Variants in FOSL2 observed in about 807,000 individuals in gnomAD.
FOSL2 encodes FOS like 2, AP-1 transcription factor subunit.
A neutral mutation model predicts 27.7 loss-of-function variants in FOSL2; 3 were observed. That is an observed-to-expected ratio of 0.11 (90% confidence interval 0.05 to 0.28). FOSL2 has a LOEUF of 0.28. Among genes scored for constraint, FOSL2 ranks in the 10% least tolerant of loss-of-function variants. FOSL2 has a pLI of 1.00. For missense variants in FOSL2, 333 were observed against 445.1 expected, an observed-to-expected ratio of 0.75 and a Z score of 2.27; for synonymous variants, 179 against 190.1, an observed-to-expected ratio of 0.94 and a Z score of 0.48.
intron 2 of FOSL2, among the ~76,000 whole-genome samples, chr2:28,407,192 G>A (rs937586903): frequency 6.6e-6 from 1 of 152,222 alleles, no homozygotes; most frequent in African/African-American, 2.4e-5. Context: ...GATCTAGGGG[G>A]CTTCCTGGGC....
intron 1 of FOSL2, chr2:28,397,241 C>CT (rs1375737062): frequency 6.6e-6 from 1 of 151,990 alleles, no homozygotes; most frequent in Non-Finnish European, 1.5e-5. Flanking sequence ...AAAAGGAGTG[C>CT]TTTTTTCTTT....
rs1214340748 is a variant in FOSL2 at position 28,413,178 on chromosome 2, A to G, written c.*730A>G. 2 of 247,810 alleles carry G rather than the reference A, an allele frequency of 8.1e-6. No homozygotes were observed. The highest frequency in any genetic ancestry group is 2.2e-5 in the African/African-American group (1 of 45,048). The allele number at this position is 247,810 out of a possible 1,614,324, so 15.4% of individuals were successfully genotyped here. A position where few individuals can be genotyped will look rare whatever the true frequency, so the allele number is the denominator to read the frequency against. On this transcript the variant is annotated 3_prime_UTR_variant, in exon 4 of 4. Transcript: ENST00000264716. ...ACCTTCGGAGACGGCTTCTGGAGGAACGGCTTGGCCAGAAGACAGGGTGTG... is the reference window on the plus strand; with the variant it reads ...ACCTTCGGAGACGGCTTCTGGAGGAGCGGCTTGGCCAGAAGACAGGGTGTG...
In FOSL2 at chr2:28,393,150, C is replaced by T. The variant is rs751553910; in HGVS notation, c.-571C>T. The T allele has an allele frequency of 5.4e-5, 17 of 313,914 alleles. No homozygotes were observed. Among genetic ancestry groups the T allele is most frequent in the Non-Finnish European group, 9.3e-5 (16 of 172,958 alleles). 19.4% of individuals were successfully genotyped at this position (313,914 alleles called of 1,614,324 possible). ...CGGGACGGGCGCACGCCGCCTTCTC[C>T]TAGTCAAGTATCCGAGCCGCCCCGA... is the stretch of plus-strand genomic sequence containing the variant. On this transcript the variant is annotated 5_prime_UTR_variant, in exon 1 of 4. Coordinates refer to ENST00000264716, the MANE Select transcript of FOSL2 (RefSeq NM_005253.4). This position sits in a 1 kb window ranked among gnomAD's most constrained non-coding sequence, Gnocchi z 4.6.
In FOSL2 at chr2:28,413,412, A is replaced by G. The variant is rs1032782637; in HGVS notation, c.*964A>G. 31 of 398,228 alleles carry G rather than the reference A, an allele frequency of 7.8e-5. No individual in the cohort carries two copies. The highest frequency in any genetic ancestry group is 1.2e-4 in the Non-Finnish European group (27 of 226,208). The allele number at this position is 398,228 out of a possible 1,614,324, so 24.7% of individuals were successfully genotyped here. The stretch of plus-strand genomic sequence containing the variant: ...CGTCCCTCCCTAGGAGCCACACATT[A>G]TACTCCAAGTCCCTGCCGGGCTCCG... On this transcript the variant is annotated 3_prime_UTR_variant, in exon 4 of 4. Coordinates refer to ENST00000264716, the MANE Select transcript of FOSL2 (RefSeq NM_005253.4).
rs967238013 is a variant in FOSL2 at position 28,414,260 on chromosome 2, C to G, written c.*1812C>G. The G allele has an allele frequency of 6.2e-6, 1 of 160,282 alleles. No individual in the cohort carries two copies. The highest frequency in any genetic ancestry group is 1.4e-5 in the Non-Finnish European group (1 of 73,732). 9.9% of individuals were successfully genotyped at this position (160,282 alleles called of 1,614,324 possible). On this transcript the variant is annotated 3_prime_UTR_variant, in exon 4 of 4. Coordinates refer to ENST00000264716, the MANE Select transcript of FOSL2 (RefSeq NM_005253.4). ...CATGAACATGACCTGTTTTCGTGCA[C>G]TAGACACACAGAGTGGAACAGCCGT...
At chr2:28,394,146 C>G (rs905609067) in intron 1 of FOSL2, among the ~76,000 whole-genome samples, 2 of 130,536 alleles carry the variant, frequency 1.5e-5, no homozygotes, top group Non-Finnish European at 1.6e-5. Context: ...TGCCCCCCCC[C>G]CCCCACCCCT....
chr2:28,397,135 TG>T (rs1456934102), intron 1 of FOSL2: 8 of 152,212 alleles, frequency 5.3e-5, no homozygotes, highest in Non-Finnish European at 1.0e-4. Flanking sequence ...GTTTCTTTTT[TG>T]TTTTCTTCTA....
chr2:28,408,735 A>G lies in FOSL2; in HGVS notation c.355-24A>G. The stretch of plus-strand genomic sequence containing the variant: ...GTGAACCATTGTCTCTGTTCTAACC[A>G]TGATCCTTGGCTTTGGCCTCTAGCT... On this transcript the variant is annotated intron_variant, in intron 2 of 3. Transcript: ENST00000264716. The surrounding 1 kb of genome is among the most constrained non-coding windows in gnomAD (Gnocchi z 4.1). 4 of 1,552,154 alleles carry G rather than the reference A, an allele frequency of 2.6e-6. No homozygotes were observed. The highest frequency in any genetic ancestry group is 3.5e-6 in the Non-Finnish European group (4 of 1,133,458).
chr2:28,400,167 G>C (rs1031458756), intron 1 of FOSL2, among the ~76,000 whole-genome samples: 4 of 152,148 alleles, frequency 2.6e-5, no homozygotes, highest in Non-Finnish European at 5.9e-5. Context: ...GTGAGGTTTT[G>C]GGTTACCTCT....
In FOSL2 at chr2:28,416,248, ACAT is replaced by A. The variant is rs1396425920; in HGVS notation, c.*3803_*3805del. On this transcript the variant is annotated 3_prime_UTR_variant, in exon 4 of 4. Transcript: ENST00000264716. ...CTTATGCTTCTAGTGTTTTGGCCAT[ACAT>A]CAACCAAGGGGTTTAATTTATCCAA... 2.0e-5 allele frequency: 3 copies of A among 152,118 alleles called. No individual in the cohort carries two copies. In the East Asian group the frequency reaches 5.8e-4, roughly 29 times the overall value. 9.4% of individuals were successfully genotyped at this position (152,118 alleles called of 1,614,324 possible). A position where few individuals can be genotyped will look rare whatever the true frequency, so the allele number is the denominator to read the frequency against.
At position 28,413,400 on chromosome 2, in the gene FOSL2, G is replaced by A. The variant is rs1206904928; in HGVS notation, c.*952G>A. The A allele has an allele frequency of 1.0e-5, 4 of 398,008 alleles. No homozygotes were observed. The highest frequency in any genetic ancestry group is 1.8e-5 in the Non-Finnish European group (4 of 226,134). The allele number at this position is 398,008 out of a possible 1,614,324, so 24.7% of individuals were successfully genotyped here. A position where few individuals can be genotyped will look rare whatever the true frequency, so the allele number is the denominator to read the frequency against. On this transcript the variant is annotated 3_prime_UTR_variant, in exon 4 of 4. Transcript: ENST00000264716. ...GGACCAGGGAGGCGTCCCTCCCTAG[G>A]AGCCACACATTATACTCCAAGTCCC... is the stretch of plus-strand genomic sequence containing the variant.
Position 28,412,016 on chromosome 2 carries a change from GT to G in FOSL2, c.551del (p.Leu184TrpfsTer36). ...QKEKEKLEFM[L>X]VAHGPVCKIS... ...AGGAGAAGGAGAAGCTGGAGTTCAT[GT>G]TGGTGGCTCACGGCCCAGTGTGCAA... On this transcript the variant is annotated frameshift_variant, in exon 4 of 4. Transcript: ENST00000264716. LOFTEE classifies it high-confidence loss of function. The surrounding 1 kb of genome is among the most constrained non-coding windows in gnomAD (Gnocchi z 7.1). 6.2e-7 allele frequency: 1 copy of G among 1,613,204 alleles called. No homozygotes were observed. Among genetic ancestry groups the G allele is most frequent in the Non-Finnish European group, 8.5e-7 (1 of 1,180,004 alleles).
chr2:28,408,978 A>G lies in FOSL2; in HGVS notation c.462+112A>G. 1.6e-6 allele frequency: 1 copy of G among 644,516 alleles called. No homozygotes were observed. The highest frequency in any genetic ancestry group is 2.6e-6 in the Non-Finnish European group (1 of 378,490). 39.9% of individuals were successfully genotyped at this position (644,516 alleles called of 1,614,324 possible). ...CTCCTTACCCACAAATGCCCTACAG[A>G]TGAGTCAGTGGAGATAGAGCTTTCC... On this transcript the variant is annotated intron_variant, in intron 3 of 3. Transcript: ENST00000264716. This position sits in a 1 kb window ranked among gnomAD's most constrained non-coding sequence, Gnocchi z 4.1.
chr2:28,405,948 A>T (rs1664067396), intron 2 of FOSL2, among the ~76,000 whole-genome samples: 1 of 151,492 alleles, frequency 6.6e-6, no homozygotes, highest in African/African-American at 2.4e-5. Context: ...CTCTTCTGGG[A>T]TATAAGTGAT....
chr2:28,408,864 G>A lies in FOSL2; in HGVS notation c.460G>A (p.Ala154Thr), dbSNP rs1416380727. ...CCGGGAGCTGACAGAGAAGCTGCAGGCGGTGAGGAACTCTGCGTAGGGTGG... is the reference window on the plus strand; with the variant it reads ...CCGGGAGCTGACAGAGAAGCTGCAGACGGTGAGGAACTCTGCGTAGGGTGG... ...RRRELTEKLQ[A>T]ETEELEEEKS... The change falls in exon 3 of 4, where the codon GCG (alanine) becomes ACG (threonine). Residue 154 changes from alanine to threonine, a missense_variant and splice_region_variant. Ala to Thr is a moderately conservative substitution (Grantham distance 58). Around this residue, in one of 4 missense-constraint regions of FOSL2, gnomAD observed 40 missense variants for 104.2 expected, o/e 0.38. Transcript: ENST00000264716. The surrounding 1 kb of genome is among the most constrained non-coding windows in gnomAD (Gnocchi z 4.1). 6.2e-7 allele frequency: 1 copy of A among 1,605,372 alleles called. No individual in the cohort carries two copies. The highest frequency in any genetic ancestry group is 2.2e-5 in the East Asian group (1 of 44,470).
In FOSL2 at chr2:28,413,316, T is replaced by C. The variant is rs781501023; in HGVS notation, c.*868T>C. The C allele has an allele frequency of 1.3e-5, 5 of 396,378 alleles. No individual in the cohort carries two copies. Among genetic ancestry groups the C allele is most frequent in the Non-Finnish European group, 1.8e-5 (4 of 225,304 alleles). 24.6% of individuals were successfully genotyped at this position (396,378 alleles called of 1,614,324 possible). A position where few individuals can be genotyped will look rare whatever the true frequency, so the allele number is the denominator to read the frequency against. On this transcript the variant is annotated 3_prime_UTR_variant, in exon 4 of 4. Transcript: ENST00000264716. Reference sequence around the variant, plus strand: ...GCCAGCTTCCCTTCACCTGGTGTCTTGAGTAGGGCGTCTCCTGTAATTACT... The same window carrying C: ...GCCAGCTTCCCTTCACCTGGTGTCTCGAGTAGGGCGTCTCCTGTAATTACT...
At chr2:28,399,414 A>G (rs1663925956) in intron 1 of FOSL2, among the ~76,000 whole-genome samples, 1 of 152,188 alleles carries the variant, frequency 6.6e-6, no homozygotes, top group African/African-American at 2.4e-5. Flanking sequence ...TTCCCAAATC[A>G]GCAACTGTTG....
chr2:28,394,126 C>G (rs2148074403), intron 1 of FOSL2, among the ~76,000 whole-genome samples: 1 of 144,470 alleles, frequency 6.9e-6, no homozygotes, highest in African/African-American at 2.7e-5. Context: ...TACTCCCCCT[C>G]CCCAGTGTCT....
At position 28,416,859 on chromosome 2, in the gene FOSL2, T is replaced by C. The variant is rs554227489; in HGVS notation, c.*4411T>C. 1.3e-4 allele frequency: 20 copies of C among 152,022 alleles called. No individual in the cohort carries two copies. The highest frequency in any genetic ancestry group is 4.8e-4 in the African/African-American group (20 of 41,448). 9.4% of individuals were successfully genotyped at this position (152,022 alleles called of 1,614,324 possible). On this transcript the variant is annotated 3_prime_UTR_variant, in exon 4 of 4. Coordinates refer to ENST00000264716, the MANE Select transcript of FOSL2 (RefSeq NM_005253.4). The stretch of plus-strand genomic sequence containing the variant: ...CTGTATTTGAGATATGTTAATGACG[T>C]GGAGTAAAGTCAGCTGTAAGACTCT...
Sources: gnomAD v4.1 joint callset for allele counts (sites outside exome capture counted in the v4.1 genomes callset) on GRCh38, gnomAD v4.1.1 for gene constraint, gnomAD v4.1.1 regional missense constraint, Gnocchi (gnomAD v3.1) non-coding constraint, MANE v1.5 for transcripts, NCBI Gene and HGNC (gene_info 2026-07-23, HGNC 2026-07-21) for gene names.